The following FAM228A variants were observed in gnomAD, a reference collection of about 807,000 sequenced individuals.
FAM228A encodes the protein protein FAM228A.
A neutral mutation model predicts 18.6 loss-of-function variants in FAM228A; 13 were observed. The observed-to-expected ratio is 0.70, with a 90% CI of 0.45 to 1.11. FAM228A has a LOEUF of 1.11. Among genes scored for constraint, FAM228A ranks in the 50% least tolerant of loss-of-function variants. The pLI, the probability that FAM228A is intolerant of heterozygous loss-of-function variation, is 0.00. For synonymous variants in FAM228A, 77 were observed against 86.6 expected (o/e 0.89, Z 0.61); for missense variants, 240 against 242.2 (o/e 0.99, Z 0.06).
At chr2:24,177,487 CCTTTAGT>C (rs1263742826) in intron 2 of FAM228A, among the ~76,000 whole-genome samples, 13 of 152,064 alleles carry the variant, frequency 8.5e-5, no homozygotes, top group Admixed American at 7.9e-4. Flanking sequence ...AAAGAGGATT[CCTTTAGT>C]AAGCTTTTTA....
intron 3 of FAM228A, among the ~76,000 whole-genome samples, chr2:24,181,978 AAGG>A (rs1405148526): frequency 2.0e-5 from 3 of 152,170 alleles, no homozygotes; most frequent in African/African-American, 7.2e-5. Context: ...GAAGCACAAG[AAGG>A]AGAGAGAGAG....
Position 24,191,294 on chromosome 2 carries a change from C to T in FAM228A, c.*663C>T. ...TCAGGACCTGACAGCGTCACTCCCA[C>T]CCTCACCACCACACACACAGGATGG... is the stretch of plus-strand genomic sequence containing the variant. On this transcript the variant is annotated 3_prime_UTR_variant, in exon 6 of 6. Transcript: ENST00000295150. 1.0e-6 allele frequency: 1 copy of T among 985,684 alleles called. No individual in the cohort carries two copies. The highest frequency in any genetic ancestry group is 1.2e-6 in the Non-Finnish European group (1 of 830,140). The allele number at this position is 985,684 out of a possible 1,614,324, so 61.1% of individuals were successfully genotyped here. A position where few individuals can be genotyped will look rare whatever the true frequency, so the allele number is the denominator to read the frequency against.
chr2:24,184,121 T>C (rs1266641974), intron 5 of FAM228A, among the ~76,000 whole-genome samples: 1 of 152,242 alleles, frequency 6.6e-6, no homozygotes, highest in Non-Finnish European at 1.5e-5. Flanking sequence ...GGCTCACACC[T>C]GTAATCCCAG....
At chr2:24,187,244 G>A (rs540043924) in intron 5 of FAM228A, among the ~76,000 whole-genome samples, 1 of 152,256 alleles carries the variant, frequency 6.6e-6, no homozygotes, top group South Asian at 2.1e-4. Context: ...AAATCTGTTT[G>A]CTTTAAGACA....
At chr2:24,179,838 G>A (rs1185157687) in intron 3 of FAM228A, among the ~76,000 whole-genome samples, 1 of 152,118 alleles carries the variant, frequency 6.6e-6, no homozygotes, top group Admixed American at 6.5e-5. Flanking sequence ...CATTGGCCAG[G>A]ACTGGGTCAT....
Position 24,190,707 on chromosome 2 carries a change from G to A in FAM228A, c.*76G>A, listed in dbSNP as rs1668062950. On this transcript the variant is annotated 3_prime_UTR_variant, in exon 6 of 6. Coordinates refer to ENST00000295150, the MANE Select transcript of FAM228A (RefSeq NM_001040710.3). ...CATGGCCCAAGAAGAAGGGTGTGAA[G>A]AGGAGGAGGGAGAAATGGCGGTGGC... The A allele has an allele frequency of 6.9e-7, 1 of 1,450,682 alleles. No individual in the cohort carries two copies. Among genetic ancestry groups the A allele is most frequent in the African/African-American group, 1.4e-5 (1 of 70,190 alleles). 89.9% of individuals were successfully genotyped at this position (1,450,682 alleles called of 1,614,324 possible).
rs377091761 is a variant in FAM228A, at chr2:24,191,677, A to G, written c.*1046A>G. ...AATCTACTCTCTGAGCAAACTGCAA[A>G]TATATGTTATTAGTAACTGTAGTAT... On this transcript the variant is annotated 3_prime_UTR_variant, in exon 6 of 6. Transcript: ENST00000295150. 6 of 174,798 alleles carry G rather than the reference A, an allele frequency of 3.4e-5. No individual in the cohort carries two copies. Among genetic ancestry groups the G allele is most frequent in the Non-Finnish European group, 6.8e-5 (6 of 88,716 alleles). 10.8% of individuals were successfully genotyped at this position (174,798 alleles called of 1,614,324 possible).
At position 24,190,942 on chromosome 2, in the gene FAM228A, C is replaced by G. The variant is rs115897040; in HGVS notation, c.*311C>G. The G allele has an allele frequency of 3.7e-6, 4 of 1,086,466 alleles. No homozygotes were observed. The highest frequency in any genetic ancestry group is 1.6e-5 in the African/African-American group (1 of 60,944). The allele number at this position is 1,086,466 out of a possible 1,614,324, so 67.3% of individuals were successfully genotyped here. ...CGGGCCTTTGCCCTTCTGCCACTTT[C>G]CTACCATTTTCCACTTACTCCATCC... is the stretch of plus-strand genomic sequence containing the variant. On this transcript the variant is annotated 3_prime_UTR_variant, in exon 6 of 6. Coordinates refer to ENST00000295150, the MANE Select transcript of FAM228A (RefSeq NM_001040710.3).
chr2:24,179,248 T>G, intron 3 of FAM228A: 1 of 722,286 alleles, frequency 1.4e-6, no homozygotes, highest in Non-Finnish European at 1.7e-6. Flanking sequence ...ATAAAGAGCT[T>G]AAAATGAAAC....
Position 24,177,693 on chromosome 2 carries a change from A to G in FAM228A, c.94-109A>G, listed in dbSNP as rs571268216. The G allele has an allele frequency of 8.5e-5, 53 of 624,972 alleles. No individual in the cohort carries two copies. The East Asian group carries it at 1.5e-3, about 17-fold the overall frequency. 38.7% of individuals were successfully genotyped at this position (624,972 alleles called of 1,614,324 possible). A position where few individuals can be genotyped will look rare whatever the true frequency, so the allele number is the denominator to read the frequency against. On this transcript the variant is annotated intron_variant, in intron 2 of 5. Transcript: ENST00000295150. ...AATTTTCCATATTTTTATGTTACCA[A>G]ATAAGCCTCAAGATTTACACTAAAA...
chr2:24,182,554 G>C (rs1667840617), intron 3 of FAM228A, among the ~76,000 whole-genome samples: 1 of 152,126 alleles, frequency 6.6e-6, no homozygotes, highest in Non-Finnish European at 1.5e-5. Context: ...CCTACCCTTT[G>C]ACACAAACTC....
intron 3 of FAM228A, chr2:24,179,158 A>T (rs899942759): frequency 8.5e-7 from 1 of 1,173,438 alleles, no homozygotes; most frequent in Non-Finnish European, 1.1e-6. Flanking sequence ...AGGAAAGAAG[A>T]AAAGAGATGT....
chr2:24,191,410 A>G lies in FAM228A; in HGVS notation c.*779A>G, dbSNP rs1295127301. 2.0e-6 allele frequency: 2 copies of G among 985,182 alleles called. No individual in the cohort carries two copies. The highest frequency in any genetic ancestry group is 3.5e-5 in the African/African-American group (2 of 57,254). 61.0% of individuals were successfully genotyped at this position (985,182 alleles called of 1,614,324 possible). On this transcript the variant is annotated 3_prime_UTR_variant, in exon 6 of 6. Coordinates refer to ENST00000295150, the MANE Select transcript of FAM228A (RefSeq NM_001040710.3). The stretch of plus-strand genomic sequence containing the variant: ...TCCCATCGCTGTCCCCGGTCTCTCC[A>G]GGGAGTAAGGGATTCTCCGTCTGTG...
chr2:24,184,101 C>T (rs931100405), intron 5 of FAM228A, among the ~76,000 whole-genome samples: 2 of 152,092 alleles, frequency 1.3e-5, no homozygotes, highest in Non-Finnish European at 2.9e-5. Context: ...GTTTACAGGC[C>T]GGGCACGGTG....
chr2:24,182,923 T>C (rs1667848913), intron 3 of FAM228A, among the ~76,000 whole-genome samples: 1 of 152,128 alleles, frequency 6.6e-6, no homozygotes, highest in South Asian at 2.1e-4. Context: ...GAGGTGTAGA[T>C]TGGCACATTC....
chr2:24,179,200 G>A, intron 3 of FAM228A: 1 of 1,105,328 alleles, frequency 9.0e-7, no homozygotes, highest in Non-Finnish European at 1.2e-6. Context: ...ATGTTGCAGA[G>A]CCTCTTCAGC....
At chr2:24,180,776 T>G (rs1432867521) in intron 3 of FAM228A, among the ~76,000 whole-genome samples, 1 of 152,198 alleles carries the variant, frequency 6.6e-6, no homozygotes, top group Non-Finnish European at 1.5e-5. Flanking sequence ...CATCAGAGTC[T>G]TGGTCTATCC....
intron 2 of FAM228A, chr2:24,175,986 C>T (rs1258193291): frequency 1.3e-5 from 13 of 1,012,360 alleles, no homozygotes; most frequent in Non-Finnish European, 1.5e-5. Flanking sequence ...GCCCTAGTGG[C>T]GGTCGGAGCA....
chr2:24,179,108 T>G (rs564651045), intron 3 of FAM228A: 2 of 1,019,894 alleles, frequency 2.0e-6, no homozygotes, highest in African/African-American at 3.5e-5. Flanking sequence ...ATCACTTCAC[T>G]AGAGATTGGA....
Sources: allele counts gnomAD v4.1 joint callset (sites outside exome capture counted in the v4.1 genomes callset), GRCh38; gene constraint gnomAD v4.1.1; transcripts MANE v1.5; gene names NCBI Gene and HGNC (gene_info 2026-07-23, HGNC 2026-07-21).